The following CLIP1 variants were observed in gnomAD, a reference collection of about 807,000 sequenced individuals.
CLIP1 encodes CAP-Gly domain containing linker protein 1.
Under a neutral mutation model 161.6 loss-of-function variants are expected in CLIP1, and 66 were observed. That is an observed-to-expected ratio of 0.41 (90% CI 0.33 to 0.50). The LOEUF (loss-of-function observed/expected upper bound fraction) is 0.50, where lower values mean the gene tolerates loss of function less well. Among genes scored for constraint, CLIP1 ranks in the 20% least tolerant of loss-of-function variants. The pLI is 0.27. For missense variants in CLIP1, 1,376 were observed against 1,702.0 expected (o/e 0.81, Z 3.37); for synonymous variants, 598 against 626.2 (o/e 0.96, Z 0.67).
chr12:122,299,690 G>C (rs1950608584), intron 20 of CLIP1, among the ~76,000 whole-genome samples: 2 of 148,202 alleles, frequency 1.3e-5, no homozygotes, highest in African/African-American at 5.1e-5. Flanking sequence ...GCCGAGGCAA[G>C]CAGATCATGA....
Position 122,355,327 on chromosome 12 carries a change from T to TA in CLIP1, c.1006-16dup. 2 of 1,609,814 alleles carry TA rather than the reference T, an allele frequency of 1.2e-6. No individual in the cohort carries two copies. The highest frequency in any genetic ancestry group is 8.5e-7 in the Non-Finnish European group (1 of 1,176,748). On this transcript the variant is annotated splice_polypyrimidine_tract_variant and intron_variant, in intron 5 of 25. Transcript: ENST00000620786. The surrounding 1 kb of genome is among the most constrained non-coding windows in gnomAD (Gnocchi z 4.1). Reference sequence around the variant, plus strand: ...GTTTCAGTCAACTGTAAAGGAAAGTTAGAGAAATGAAGGGCGATGATGCTG... The same window carrying TA: ...GTTTCAGTCAACTGTAAAGGAAAGTTAAGAGAAATGAAGGGCGATGATGCTG...
At chr12:122,398,412 G>A (rs1956011702) in intron 1 of CLIP1, among the ~76,000 whole-genome samples, 1 of 147,398 alleles carries the variant, frequency 6.8e-6, no homozygotes, top group Non-Finnish European at 1.5e-5. Flanking sequence ...GCGACAGAAT[G>A]AGACTCCACC....
intron 21 of CLIP1, among the ~76,000 whole-genome samples, chr12:122,284,326 G>A (rs1212077402): frequency 6.6e-6 from 1 of 151,276 alleles, no homozygotes; most frequent in Non-Finnish European, 1.5e-5. Context: ...GTAGGAGAGA[G>A]AACTTCACGG....
At chr12:122,301,459 A>T (rs980381192) in intron 20 of CLIP1, among the ~76,000 whole-genome samples, 3 of 152,178 alleles carry the variant, frequency 2.0e-5, no homozygotes, top group Non-Finnish European at 2.9e-5. Context: ...GACCTTCAGG[A>T]GGTCAGGATT....
chr12:122,403,979 G>A (rs1391935802), intron 1 of CLIP1, among the ~76,000 whole-genome samples: 5 of 152,180 alleles, frequency 3.3e-5, no homozygotes, highest in African/African-American at 9.7e-5. Context: ...CAACAGTTCC[G>A]TGACTCAAAA....
intron 1 of CLIP1, among the ~76,000 whole-genome samples, chr12:122,390,279 C>CATATATATATATATATATATATATAT (rs1179187571): frequency 2.5e-5 from 2 of 78,976 alleles, no homozygotes; most frequent in Non-Finnish European, 5.4e-5. Context: ...TATATATATA[C>CATATATATATATATATATATATATAT]ATATATATAT....
chr12:122,412,004 T>A (rs55742122), intron 1 of CLIP1, among the ~76,000 whole-genome samples: 4,164 of 151,598 alleles, frequency 0.027, 211 homozygotes, highest in African/African-American at 0.096. Flanking sequence ...TGTTATTTTT[T>A]AAAAAACTGG....
chr12:122,321,307 G>A (rs1025447039), intron 17 of CLIP1, among the ~76,000 whole-genome samples: 37 of 145,908 alleles, frequency 2.5e-4, no homozygotes, highest in African/African-American at 9.1e-4. Flanking sequence ...GTGCAATGGC[G>A]CAAGCTCGGC....
At chr12:122,319,186 G>T in intron 18 of CLIP1, 46 bp downstream of exon 18, 1 of 1,284,946 alleles carries the variant, frequency 7.8e-7, no homozygotes, top group Non-Finnish European at 1.1e-6. Context: ...ATTCTACCAA[G>T]TTGGTAAGCT....
chr12:122,333,923 G>C, intron 14 of CLIP1, 104 bp downstream of exon 14: 1 of 696,432 alleles, frequency 1.4e-6, no homozygotes, highest in Non-Finnish European at 2.6e-6. Context: ...TGAGTGAAGA[G>C]GCTATGCCTG....
At chr12:122,408,005 C>A (rs983271227) in intron 1 of CLIP1, among the ~76,000 whole-genome samples, 1 of 151,520 alleles carries the variant, frequency 6.6e-6, no homozygotes, top group Admixed American at 6.6e-5. Context: ...TTTGGGAGGC[C>A]GAGGCAAATC....
In CLIP1 at chr12:122,355,118, G is replaced by T; in HGVS notation, c.1200C>A (p.Asp400Glu). Residue 400 changes from aspartate to glutamate, a missense_variant, in exon 6 of 26, where the codon GAC becomes GAA. By Grantham distance (45) the Asp-to-Glu change is conservative. Coordinates refer to ENST00000620786, the MANE Select transcript of CLIP1 (RefSeq NM_001247997.2). The surrounding 1 kb of genome is among the most constrained non-coding windows in gnomAD (Gnocchi z 4.1). ...QELALARDGH[D>E]QHVLELEAKM... ...CGCAACAAGGTCCAGACTTCACCTGGTCATGTCCGTCCCGGGCCAGAGCTA... is the reference window on the plus strand; with the variant it reads ...CGCAACAAGGTCCAGACTTCACCTGTTCATGTCCGTCCCGGGCCAGAGCTA... 6.2e-7 allele frequency: 1 copy of T among 1,613,938 alleles called. No homozygotes were observed. Among genetic ancestry groups the T allele is most frequent in the Non-Finnish European group, 8.5e-7 (1 of 1,179,848 alleles).
chr12:122,292,699 T>C (rs188429914), intron 20 of CLIP1, among the ~76,000 whole-genome samples: 7 of 152,220 alleles, frequency 4.6e-5, no homozygotes, highest in Admixed American at 2.0e-4. Flanking sequence ...CTTCAAAAGA[T>C]ATTGTTAAGA....
At chr12:122,306,401 T>G (rs1025824980) in intron 20 of CLIP1, among the ~76,000 whole-genome samples, 1 of 152,232 alleles carries the variant, frequency 6.6e-6, no homozygotes, top group Non-Finnish European at 1.5e-5. Flanking sequence ...TGTCTTCTTC[T>G]GTAAAACAGA....
chr12:122,366,554 T>C (rs936537402), intron 3 of CLIP1, among the ~76,000 whole-genome samples: 4 of 152,004 alleles, frequency 2.6e-5, no homozygotes, highest in Admixed American at 1.3e-4. Context: ...AAATTATCCT[T>C]CCTAGGCTGG....
chr12:122,377,507 G>A lies in CLIP1; in HGVS notation c.539C>T (p.Ser180Leu). The A allele has an allele frequency of 6.2e-7, 1 of 1,614,138 alleles. No homozygotes were observed. The change falls in exon 3 of 26, where the codon TCA becomes TTA. Residue 180 changes from serine (S) to leucine (L), a missense_variant. Ser to Leu is a moderately radical substitution (Grantham distance 145). This residue lies in a region of CLIP1 where 119 missense variants were observed against 112.0 expected (regional missense o/e 1.06). Coordinates refer to ENST00000620786, the MANE Select transcript of CLIP1 (RefSeq NM_001247997.2). ...KPSQPAAKEPSATPPISNLTK... is the reference protein window; with the variant it reads ...KPSQPAAKEPLATPPISNLTK... ...AAGGTTGCTGATCGGAGGCGTAGCT[G>A]AAGGTTCCTTTGCTGCTGGCTGTGA...
At chr12:122,305,159 G>T (rs1736819300) in intron 20 of CLIP1, among the ~76,000 whole-genome samples, 1 of 152,176 alleles carries the variant, frequency 6.6e-6, no homozygotes, top group South Asian at 2.1e-4. Flanking sequence ...CACTGTATTT[G>T]CTATCTTTAC....
intron 5 of CLIP1, among the ~76,000 whole-genome samples, chr12:122,356,979 G>T (rs1292883675): frequency 1.3e-5 from 2 of 152,160 alleles, no homozygotes; most frequent in Non-Finnish European, 2.9e-5. Flanking sequence ...GCGTGATCTC[G>T]GCTCGCTACA....
chr12:122,316,958 T>A, intron 18 of CLIP1, 103 bp from the exon 19 acceptor site: 1 of 738,136 alleles, frequency 1.4e-6, no homozygotes, highest in Non-Finnish European at 2.1e-6. Flanking sequence ...ACAGATGAAA[T>A]TAGTCACTCG....
Sources: gnomAD v4.1 joint callset for allele counts (sites outside exome capture counted in the v4.1 genomes callset) on GRCh38, gnomAD v4.1.1 for gene constraint, gnomAD v4.1.1 regional missense constraint, Gnocchi (gnomAD v3.1) non-coding constraint, MANE v1.5 for transcripts, NCBI Gene and HGNC (gene_info 2026-07-23, HGNC 2026-07-21) for gene names.